Variants in PHYHD1 observed in about 807,000 individuals in gnomAD.
PHYHD1 encodes phytanoyl-CoA dioxygenase domain containing 1, also known as phytanoyl-CoA dioxygenase domain-containing protein 1.
Under a neutral mutation model 43.6 loss-of-function variants are expected in PHYHD1, and 42 were observed. The observed-to-expected ratio is 0.96, with a 90% CI of 0.75 to 1.25. PHYHD1 has a LOEUF of 1.25. Ranked by LOEUF, PHYHD1 falls within the 50% of genes most tolerant of loss-of-function variation. PHYHD1 has a pLI of 0.00. For synonymous variants in PHYHD1, 139 were observed against 143.6 expected (o/e 0.97, Z 0.23); for missense variants, 342 against 370.8 (o/e 0.92, Z 0.64).
intron 8 of PHYHD1, among the ~76,000 whole-genome samples, chr9:128,937,114 C>CA (rs1032642476): frequency 4.6e-5 from 7 of 151,210 alleles, no homozygotes; most frequent in East Asian, 3.9e-4. Flanking sequence ...GGCTCCGTCT[C>CA]AAAAAAAAGA....
Position 128,940,454 on chromosome 9 carries a change from G to A in PHYHD1, c.543G>A (p.Thr181=), listed in dbSNP as rs1012204764. Residue 181 remains threonine, a synonymous_variant, in exon 10 of 13, where the codon ACG becomes ACA. Transcript: ENST00000372592. ...LGVWIAVEDA[T]LENGCLWFIP... Reference sequence around the variant, plus strand: ...TGTGGATCGCAGTGGAGGATGCCACGCTGGAGAACGGCTGTCTCTGGTTCA... The same window carrying A: ...TGTGGATCGCAGTGGAGGATGCCACACTGGAGAACGGCTGTCTCTGGTTCA... The A allele has an allele frequency of 5.6e-6, 9 of 1,613,634 alleles. No individual in the cohort carries two copies. Among genetic ancestry groups the A allele is most frequent in the Middle Eastern group, 1.7e-4 (1 of 6,058 alleles).
intron 3 of PHYHD1, among the ~76,000 whole-genome samples, chr9:128,922,561 T>TG (rs1841026376): frequency 6.6e-6 from 1 of 151,458 alleles, no homozygotes. Flanking sequence ...CAGGGTAGGG[T>TG]GGGGTGGGGA....
Position 128,940,423 on chromosome 9 carries a change from T to C in PHYHD1, c.512T>C (p.Leu171Pro), listed in dbSNP as rs76191089. Reference protein sequence around the residue: ...FLYTEPLGRVLGVWIAVEDAT... With the variant: ...FLYTEPLGRVPGVWIAVEDAT... ...TACACGGAGCCCCTGGGCCGGGTGC[T>C]GGGCGTGTGGATCGCAGTGGAGGAT... The change falls in exon 10 of 13, where the codon CTG becomes CCG. Residue 171 changes from leucine (L) to proline (P), a missense_variant. Physicochemically the swap from Leu to Pro is moderately conservative, Grantham distance 98 (BLOSUM62 -3). Transcript: ENST00000372592. 391 of 1,614,164 alleles carry C rather than the reference T, an allele frequency of 2.4e-4. 1 individual carries two copies. In the East Asian group the frequency reaches 7.1e-3, roughly 29 times the overall value.
In PHYHD1 at chr9:128,940,403, G is replaced by A. The variant is rs201233901; in HGVS notation, c.492G>A (p.Thr164=). The change falls in exon 10 of 13, where the codon ACG becomes ACA. Residue 164 remains threonine, a synonymous_variant. Coordinates refer to ENST00000372592, the MANE Select transcript of PHYHD1 (RefSeq NM_001100876.2). ...ATCAGGACGCCTCCTTCCTGTACACGGAGCCCCTGGGCCGGGTGCTGGGCG... is the reference window on the plus strand; with the variant it reads ...ATCAGGACGCCTCCTTCCTGTACACAGAGCCCCTGGGCCGGGTGCTGGGCG... The part of the protein sequence containing the change: ...SPHQDASFLY[T]EPLGRVLGVW... The A allele has an allele frequency of 1.2e-5, 19 of 1,614,178 alleles. No individual in the cohort carries two copies. The highest frequency in any genetic ancestry group is 8.9e-5 in the East Asian group (4 of 44,874).
At position 128,921,002 on chromosome 9, in the gene PHYHD1, G is replaced by A. The variant is rs912551999; in HGVS notation, c.-826G>A. ...TCGCCATTCAGAAGGCATCATTTTG[G>A]GGAAGGCAGCAGCCGGTTTTTCAGA... On this transcript the variant is annotated 5_prime_UTR_variant, in exon 1 of 13. Coordinates refer to ENST00000372592, the MANE Select transcript of PHYHD1 (RefSeq NM_001100876.2). 1 of 152,278 alleles carries A rather than the reference G, an allele frequency of 6.6e-6. No homozygotes were observed. The highest frequency in any genetic ancestry group is 1.5e-5 in the Non-Finnish European group (1 of 68,092). The allele number at this position is 152,278 out of a possible 1,614,324, so 9.4% of individuals were successfully genotyped here.
chr9:128,931,216 A>T (rs1841267719), intron 4 of PHYHD1, among the ~76,000 whole-genome samples: 1 of 151,782 alleles, frequency 6.6e-6, no homozygotes, highest in African/African-American at 2.4e-5. Flanking sequence ...GATTCAAGTG[A>T]TTCTCCTTCC....
At chr9:128,931,726 A>G (rs1436561300) in intron 4 of PHYHD1, among the ~76,000 whole-genome samples, 1 of 151,266 alleles carries the variant, frequency 6.6e-6, no homozygotes, top group African/African-American at 2.4e-5. Context: ...ACAGGGTTTC[A>G]CCGTGTTAGC....
intron 3 of PHYHD1, among the ~76,000 whole-genome samples, chr9:128,923,174 C>G (rs977190797): frequency 6.6e-6 from 1 of 152,220 alleles, no homozygotes; most frequent in South Asian, 2.1e-4. Flanking sequence ...GAACTCTTGA[C>G]CTCAAGTGAT....
intron 4 of PHYHD1, among the ~76,000 whole-genome samples, chr9:128,932,181 A>ATTTTT (rs1265015070): frequency 6.5e-5 from 7 of 107,710 alleles, no homozygotes; most frequent in African/African-American, 1.8e-4. Context: ...TATTATTATT[A>ATTTTT]TTATTTTTTT....
intron 9 of PHYHD1, among the ~76,000 whole-genome samples, 174 bp from the exon 10 acceptor site, chr9:128,940,195 A>T (rs1344419052): frequency 1.3e-5 from 2 of 152,148 alleles, no homozygotes; most frequent in Non-Finnish European, 2.9e-5. Flanking sequence ...TGAGGCTTTG[A>T]GAGGTGAAAT....
At chr9:128,930,693 T>A (rs575212043) in intron 4 of PHYHD1, among the ~76,000 whole-genome samples, 2 of 151,842 alleles carry the variant, frequency 1.3e-5, no homozygotes, top group African/African-American at 4.8e-5. Context: ...CTTACGCCTG[T>A]AACCCCAGCA....
intron 4 of PHYHD1, among the ~76,000 whole-genome samples, chr9:128,929,849 G>C (rs759366399): frequency 1.3e-5 from 2 of 151,860 alleles, no homozygotes; most frequent in Non-Finnish European, 2.9e-5. Context: ...TACCATCCAG[G>C]CATGGTGGCT....
At chr9:128,922,480 G>A (rs1322761931) in intron 3 of PHYHD1, 124 bp downstream of exon 3, 2 of 1,291,458 alleles carry the variant, frequency 1.5e-6, no homozygotes, top group African/African-American at 1.5e-5. Context: ...GAAGCCCAGA[G>A]GAGCGGGTTC....
chr9:128,938,516 G>A (rs149422619), intron 9 of PHYHD1, among the ~76,000 whole-genome samples: 2,200 of 152,062 alleles, frequency 0.014, 54 homozygotes, highest in Non-Finnish European at 0.019. Flanking sequence ...CCGCCTCTCC[G>A]GTCCAAGTGA....
At position 128,927,119 on chromosome 9, in the gene PHYHD1, A is replaced by C. The variant is rs1467970637; in HGVS notation, c.115A>C (p.Ile39Leu). The C allele has an allele frequency of 6.2e-7, 1 of 1,614,108 alleles. No homozygotes were observed. The highest frequency in any genetic ancestry group is 1.7e-5 in the Admixed American group (1 of 60,004). Residue 39 changes from isoleucine to leucine, a missense_variant, in exon 4 of 13, where the codon ATA (isoleucine) becomes CTA (leucine). Ile to Leu is a conservative substitution (Grantham distance 5). Transcript: ENST00000372592. ...CVAMQQRIGE[I>L]VAEMDVPLHC... ...GGCCATGCAACAAAGGATTGGCGAG[A>C]TAGTGGCTGAAATGGATGTTCCTCT... is the stretch of plus-strand genomic sequence containing the variant.
In PHYHD1 at chr9:128,939,455, T is replaced by C. The variant is rs1426239894; in HGVS notation, c.458-914T>C. On this transcript the variant is annotated intron_variant, in intron 9 of 12. Coordinates refer to ENST00000372592, the MANE Select transcript of PHYHD1 (RefSeq NM_001100876.2). ...TTAGCTGGGCGTGGTGTCAGGCACC[T>C]GTAATCCCAGCTACTAGGGAGGCTG... 1.1e-4 allele frequency among the ~76,000 whole-genome samples: 13 copies of C among 121,568 alleles called. 2 individuals are homozygous for C. Among genetic ancestry groups the C allele is most frequent in the Non-Finnish European group, 3.8e-5 (2 of 52,572 alleles). 79.8% of individuals were successfully genotyped at this position (121,568 alleles called of 152,430 possible). A position where few individuals can be genotyped will look rare whatever the true frequency, so the allele number is the denominator to read the frequency against.
intron 5 of PHYHD1, 23 bp downstream of exon 5, chr9:128,933,880 C>T: frequency 1.2e-6 from 2 of 1,611,774 alleles, no homozygotes; most frequent in Non-Finnish European, 1.7e-6. Context: ...GGCCCTAGAG[C>T]TGGGGAGGAG....
intron 4 of PHYHD1, among the ~76,000 whole-genome samples, chr9:128,932,182 TTA>T (rs1212394697): frequency 4.4e-5 from 5 of 113,740 alleles, no homozygotes; most frequent in South Asian, 5.3e-4. Flanking sequence ...ATTATTATTA[TTA>T]TTTTTTTTTT....
chr9:128,940,777 C>A lies in PHYHD1; in HGVS notation c.703+62C>A, dbSNP rs1841539449. 8.4e-6 allele frequency: 13 copies of A among 1,545,290 alleles called. No homozygotes were observed. The Middle Eastern group carries it at 7.0e-4, about 83-fold the overall frequency. The stretch of plus-strand genomic sequence containing the variant: ...AGTCCATCAGTCTGTGCTTGCTCGA[C>A]TACCCAGCGTCCAAGAGGTTGCCCT... On this transcript the variant is annotated intron_variant, in intron 11 of 12. Transcript: ENST00000372592.
Sources: allele counts gnomAD v4.1 joint callset (sites outside exome capture counted in the v4.1 genomes callset), GRCh38; gene constraint gnomAD v4.1.1; transcripts MANE v1.5; gene names NCBI Gene and HGNC (gene_info 2026-07-23, HGNC 2026-07-21).